The following MECR variants were observed in gnomAD, a reference collection of about 807,000 sequenced individuals.
The protein encoded by MECR is enoyl-[acyl-carrier-protein] reductase, mitochondrial.
A neutral mutation model predicts 49.1 loss-of-function variants in MECR; 37 were observed. The ratio of observed to expected loss-of-function variants is 0.75; its 90% CI spans 0.58 to 0.99. The LOEUF (loss-of-function observed/expected upper bound fraction) is 0.99, where lower values mean the gene tolerates loss of function less well. Ranked by LOEUF, MECR falls within the 50% of genes least tolerant of loss-of-function variation. MECR has a pLI of 0.00. For missense variants in MECR, 470 were observed against 479.6 expected, an observed-to-expected ratio of 0.98 and a Z score of 0.19; for synonymous variants, 198 against 191.1, an observed-to-expected ratio of 1.04 and a Z score of -0.30.
chr1:29,230,715 C>T lies in MECR; in HGVS notation c.176+16G>A, dbSNP rs1417487169. ...AAACCCCAGTCCCCTTCCCCGGCTT[C>T]GGCGCCGTCTCTTACTCGACGACCT... On this transcript the variant is annotated intron_variant, in intron 1 of 9. Coordinates refer to ENST00000263702, the MANE Select transcript of MECR (RefSeq NM_016011.5). 3 of 1,561,896 alleles carry T rather than the reference C, an allele frequency of 1.9e-6. No individual in the cohort carries two copies. In the Admixed American group the frequency reaches 5.8e-5, roughly 30 times the overall value.
rs1679657404 is a variant in MECR, at chr1:29,217,178, ACT to A, written c.177-495_177-494del. Among the ~76,000 whole-genome samples, 4 of 136,426 alleles carry A rather than the reference ACT, an allele frequency of 2.9e-5. No individual in the cohort carries two copies. The South Asian group carries it at 9.7e-4, about 33-fold the overall frequency. The allele number at this position is 136,426 out of a possible 152,430, so 89.5% of individuals were successfully genotyped here. A position where few individuals can be genotyped will look rare whatever the true frequency, so the allele number is the denominator to read the frequency against. On this transcript the variant is annotated intron_variant, in intron 1 of 9. Transcript: ENST00000263702. Reference sequence around the variant, plus strand: ...AGAAATCAACATAGGATAGAGGTTGACTCTCATTAACTGCAAGTGGAAAACCC... The same window carrying A: ...AGAAATCAACATAGGATAGAGGTTGACTCATTAACTGCAAGTGGAAAACCC...
chr1:29,171,618 G>A, the MECR span: 1 of 151,848 alleles, frequency 6.6e-6, no homozygotes, highest in African/African-American at 2.4e-5. Flanking sequence ...TAAGATTTCA[G>A]TGTTAGCTTA....
intron 1 of MECR, among the ~76,000 whole-genome samples, chr1:29,221,697 C>T (rs1322885043): frequency 6.6e-6 from 1 of 152,120 alleles, no homozygotes; most frequent in Non-Finnish European, 1.5e-5. Context: ...GGAGAGGGGA[C>T]ACAGGTGACC....
the MECR span, chr1:29,181,812 A>G: frequency 7.1e-7 from 1 of 1,415,740 alleles, no homozygotes; most frequent in Non-Finnish European, 9.3e-7. Flanking sequence ...GCGGCGGGCA[A>G]AGCGAGAGCA....
In MECR at chr1:29,199,527, TAGA is replaced by T. The variant is rs1341038138; in HGVS notation, c.830+986_830+988del. The stretch of plus-strand genomic sequence containing the variant: ...TAGGCTTGAGCCACTGCGCCCGGCC[TAGA>T]AGCTTATATTAAGGGAAAGAAGAAT... On this transcript the variant is annotated intron_variant, in intron 7 of 9. Coordinates refer to ENST00000263702, the MANE Select transcript of MECR (RefSeq NM_016011.5). Among the ~76,000 whole-genome samples, 8 of 152,156 alleles carry T rather than the reference TAGA, an allele frequency of 5.3e-5. No individual in the cohort carries two copies. In the East Asian group the frequency reaches 1.6e-3, roughly 30 times the overall value.
the MECR span, among the ~76,000 whole-genome samples, chr1:29,179,591 T>C: frequency 1.3e-5 from 2 of 152,170 alleles, no homozygotes; most frequent in Non-Finnish European, 2.9e-5. Flanking sequence ...TGAAGTAATC[T>C]TCACACTTCA....
At chr1:29,167,875 C>T in the MECR span, among the ~76,000 whole-genome samples, 1 of 152,160 alleles carries the variant, frequency 6.6e-6, no homozygotes, top group East Asian at 1.9e-4. Flanking sequence ...TATTATTCTT[C>T]TCATTTTACA....
chr1:29,228,623 T>C (rs183550122), intron 1 of MECR, among the ~76,000 whole-genome samples: 51 of 152,162 alleles, frequency 3.4e-4, no homozygotes, highest in African/African-American at 1.1e-3. Flanking sequence ...GTTGGAAGTA[T>C]CATGTTTTGA....
At chr1:29,227,721 T>G (rs1682459151) in intron 1 of MECR, among the ~76,000 whole-genome samples, 2 of 152,196 alleles carry the variant, frequency 1.3e-5, no homozygotes, top group Non-Finnish European at 2.9e-5. Flanking sequence ...TGGTGTAACC[T>G]GACCCAGACA....
chr1:29,208,440 C>A (rs1677149804), intron 3 of MECR, among the ~76,000 whole-genome samples: 1 of 152,212 alleles, frequency 6.6e-6, no homozygotes, highest in African/African-American at 2.4e-5. Context: ...GCAAGAACAG[C>A]CTGACTCGCC....
chr1:29,189,312 G>A (rs1020350298), downstream of MECR, among the ~76,000 whole-genome samples: 2 of 151,926 alleles, frequency 1.3e-5, no homozygotes, highest in African/African-American at 4.8e-5. Flanking sequence ...CAGGTGATCT[G>A]CCTGCCTCAG....
rs12404656 is a variant in MECR, at chr1:29,207,184, C to T, written c.407-279G>A. Among the ~76,000 whole-genome samples, 17,499 of 151,936 alleles carry T rather than the reference C, an allele frequency of 0.12. 1,368 individuals carry two copies. The highest frequency in any genetic ancestry group is 0.41 in the East Asian group (2,111 of 5,168). ...TAGCCCAGGCTGGAGTGCAATGGCG[C>T]GATCTTGGCTCACTGCAACTTCCGC... is the stretch of plus-strand genomic sequence containing the variant. On this transcript the variant is annotated intron_variant, in intron 3 of 9. Coordinates refer to ENST00000263702, the MANE Select transcript of MECR (RefSeq NM_016011.5).
At chr1:29,216,853 G>C in intron 1 of MECR, 168 bp from the exon 2 acceptor site, 10 of 1,421,288 alleles carry the variant, frequency 7.0e-6, no homozygotes, top group Non-Finnish European at 9.2e-6. Context: ...CAACACAGGA[G>C]GCTGGGCGTG....
At chr1:29,173,949 G>A in the MECR span, among the ~76,000 whole-genome samples, 1 of 151,726 alleles carries the variant, frequency 6.6e-6, no homozygotes, top group Non-Finnish European at 1.5e-5. Context: ...AGCACTTTGG[G>A]AGGATGAGGT....
chr1:29,194,141 T>A lies in MECR; in HGVS notation c.1003A>T (p.Ile335Phe), dbSNP rs957917262. Residue 335 changes from isoleucine (I) to phenylalanine (F), a missense_variant, in exon 10 of 10, where the codon ATC becomes TTC. Ile to Phe is a conservative substitution (Grantham distance 21). Coordinates refer to ENST00000263702, the MANE Select transcript of MECR (RefSeq NM_016011.5). ...KELILTLCDL[I>F]RRGQLTAPAC... ...GGGGCTGTGAGCTGGCCTCGGCGGA[T>A]GAGATCGCACAGTGTGAGGATCAGC... 1 of 1,612,652 alleles carries A rather than the reference T, an allele frequency of 6.2e-7. No individual in the cohort carries two copies.
At chr1:29,185,508 C>T in the MECR span, among the ~76,000 whole-genome samples, 3 of 151,178 alleles carry the variant, frequency 2.0e-5, no homozygotes, top group East Asian at 2.0e-4. Context: ...CTCTGCCTCC[C>T]GGTTTCAAGT....
the MECR span, among the ~76,000 whole-genome samples, chr1:29,180,842 T>C: frequency 5.3e-5 from 8 of 152,334 alleles, 1 homozygote; most frequent in South Asian, 1.4e-3. Context: ...TAGATCATAC[T>C]CTGGGGGAGG....
At chr1:29,229,279 T>C (rs1682876323) in intron 1 of MECR, among the ~76,000 whole-genome samples, 1 of 151,866 alleles carries the variant, frequency 6.6e-6, no homozygotes, top group Non-Finnish European at 1.5e-5. Context: ...CTCGACTCAC[T>C]GCAACCTCCG....
At chr1:29,177,921 A>G in the MECR span, among the ~76,000 whole-genome samples, 1 of 106,422 alleles carries the variant, frequency 9.4e-6, no homozygotes, top group African/African-American at 4.4e-5. Context: ...TTTTTTTGAG[A>G]CAGAGTCTTG....
Sources: allele counts gnomAD v4.1 joint callset (sites outside exome capture counted in the v4.1 genomes callset), GRCh38; gene constraint gnomAD v4.1.1; transcripts MANE v1.5; gene names NCBI Gene and HGNC (gene_info 2026-07-23, HGNC 2026-07-21).